Variants in CDH12 observed in about 807,000 individuals in gnomAD.
The protein encoded by CDH12 is cadherin-12.
CDH12 carries 41 observed loss-of-function variants against 74.1 expected under a neutral mutation model. The observed-to-expected ratio is 0.55, with a 90% CI of 0.43 to 0.72. The LOEUF is 0.72. Ranked by LOEUF, CDH12 falls within the 30% of genes least tolerant of loss-of-function variation. The pLI is 0.00. For missense variants in CDH12, 945 were observed against 977.2 expected (o/e 0.97, Z 0.44); for synonymous variants, 399 against 355.0 (o/e 1.12, Z -1.39).
At position 22,672,803 on chromosome 5, in the gene CDH12, A is replaced by G. The variant is rs1194578666; in HGVS notation, c.-522-167439T>C. Among the ~76,000 whole-genome samples, 7 of 152,304 alleles carry G rather than the reference A, an allele frequency of 4.6e-5. No homozygotes were observed. In the South Asian group the frequency reaches 6.2e-4, roughly 14 times the overall value. ...TAAATTGGCAGTGTTTGAATTTTGC[A>G]TATTCCTCTATTCTCTTATTGAAAT... On this transcript the variant is annotated intron_variant, in intron 1 of 14. Transcript: ENST00000382254.
chr5:22,127,838 A>G (rs1745971813), intron 4 of CDH12, among the ~76,000 whole-genome samples: 1 of 151,988 alleles, frequency 6.6e-6, no homozygotes, highest in Non-Finnish European at 1.5e-5. Flanking sequence ...TCTGAATGTG[A>G]TAGGATGGAG....
chr5:22,380,743 T>A (rs1232419241), intron 3 of CDH12, among the ~76,000 whole-genome samples: 3 of 152,166 alleles, frequency 2.0e-5, no homozygotes. Flanking sequence ...GTAATTGTTC[T>A]GTGATTTTGA....
intron 1 of CDH12, among the ~76,000 whole-genome samples, chr5:22,718,259 T>C (rs1324161120): frequency 6.6e-6 from 1 of 152,190 alleles, no homozygotes; most frequent in Non-Finnish European, 1.5e-5. Context: ...TGGCAAACAC[T>C]GGGTTGAAAA....
intron 1 of CDH12, among the ~76,000 whole-genome samples, chr5:22,533,068 G>A (rs1462094652): frequency 6.6e-6 from 1 of 151,958 alleles, no homozygotes; most frequent in Non-Finnish European, 1.5e-5. Flanking sequence ...ATGTTCCCAG[G>A]TATTGCACCC....
intron 1 of CDH12, among the ~76,000 whole-genome samples, chr5:22,537,511 A>G (rs559804549): frequency 1.1e-4 from 16 of 152,264 alleles, no homozygotes; most frequent in African/African-American, 3.4e-4. Flanking sequence ...GCCATAAATC[A>G]CAAATAACAT....
chr5:22,503,144 A>G (rs1736240933), intron 2 of CDH12, among the ~76,000 whole-genome samples: 1 of 152,140 alleles, frequency 6.6e-6, no homozygotes, highest in South Asian at 2.1e-4. Flanking sequence ...AAGAAGAAAG[A>G]TTTATTTCCT....
intron 11 of CDH12, chr5:21,779,203 T>G (rs2149893431): frequency 6.6e-6 from 1 of 152,218 alleles, no homozygotes; most frequent in South Asian, 2.1e-4. Context: ...TATATTTATT[T>G]ATTTATTCAC....
rs1041966471 is a variant in CDH12, at chr5:22,232,108, A to G, written c.-332-19465T>C. On this transcript the variant is annotated intron_variant, in intron 3 of 14. Transcript: ENST00000382254. ...GAAATATGCTGTTTTATCACATTTC[A>G]TATATAAGTTTCTATTAAATAACTA... Among the ~76,000 whole-genome samples the G allele has an allele frequency of 1.5e-3, 233 of 151,930 alleles. 8 individuals carry two copies. Among genetic ancestry groups the G allele is most frequent in the Admixed American group, 0.015 (231 of 15,268 alleles).
intron 1 of CDH12, among the ~76,000 whole-genome samples, chr5:22,716,117 AC>A (rs1449973984): frequency 6.6e-6 from 1 of 152,164 alleles, no homozygotes; most frequent in Non-Finnish European, 1.5e-5. Context: ...AGCCTGGGTG[AC>A]AGAGCAAGAC....
chr5:22,392,947 T>C (rs1244929952), intron 3 of CDH12, among the ~76,000 whole-genome samples: 1 of 152,128 alleles, frequency 6.6e-6, no homozygotes, highest in Non-Finnish European at 1.5e-5. Flanking sequence ...CAGGCTACTC[T>C]CTCGGTCACC....
chr5:22,491,901 G>A (rs926680580), intron 2 of CDH12, among the ~76,000 whole-genome samples: 1 of 152,056 alleles, frequency 6.6e-6, no homozygotes, highest in Non-Finnish European at 1.5e-5. Flanking sequence ...CTGTCTTCAC[G>A]ATGTCTTCTC....
intron 3 of CDH12, among the ~76,000 whole-genome samples, chr5:22,399,269 TCA>T (rs1742607209): frequency 6.6e-6 from 1 of 152,008 alleles, no homozygotes; most frequent in Non-Finnish European, 1.5e-5. Context: ...TTTCAACTCT[TCA>T]CAGTTTTACA....
chr5:22,671,544 C>G (rs1315125327), intron 1 of CDH12, among the ~76,000 whole-genome samples: 1 of 152,222 alleles, frequency 6.6e-6, no homozygotes, highest in South Asian at 2.1e-4. Flanking sequence ...TACTCCCCAA[C>G]ATGAAAATCC....
chr5:21,889,448 G>T, intron 6 of CDH12: 1 of 354,724 alleles, frequency 2.8e-6, no homozygotes, highest in Non-Finnish European at 3.9e-6. Context: ...GTAGTTGCCT[G>T]CACCTGTAAA....
At chr5:22,459,393 T>C (rs973874589) in intron 2 of CDH12, among the ~76,000 whole-genome samples, 1 of 152,174 alleles carries the variant, frequency 6.6e-6, no homozygotes, top group African/African-American at 2.4e-5. Context: ...ATTAAAATTT[T>C]TGTTTAGCTA....
rs537136074 is a variant in CDH12, at chr5:22,140,502, TC to T, written c.-186-61641del. The stretch of plus-strand genomic sequence containing the variant: ...ATCCTGTATATTTGTATGTGTTTTT[TC>T]ACAACTGCCTCTGTGCATGTGTGTG... On this transcript the variant is annotated intron_variant, in intron 4 of 14. Transcript: ENST00000382254. 9.9e-5 allele frequency among the ~76,000 whole-genome samples: 15 copies of T among 152,244 alleles called. No homozygotes were observed. In the South Asian group the frequency reaches 2.9e-3, roughly 29 times the overall value.
chr5:22,008,719 G>A (rs1353946300), intron 5 of CDH12, among the ~76,000 whole-genome samples: 4 of 152,120 alleles, frequency 2.6e-5, no homozygotes, highest in Non-Finnish European at 5.9e-5. Context: ...ACTGGGCTTA[G>A]GGTACATTCC....
At chr5:21,976,769 T>C (rs1488696455) in intron 5 of CDH12, among the ~76,000 whole-genome samples, 1 of 152,046 alleles carries the variant, frequency 6.6e-6, no homozygotes, top group African/African-American at 2.4e-5. Flanking sequence ...AATCTGCATA[T>C]GAGCACTGCT....
intron 4 of CDH12, among the ~76,000 whole-genome samples, chr5:22,190,358 G>GTCTA (rs79679304): frequency 0.044 from 5,316 of 119,830 alleles, 115 homozygotes; most frequent in East Asian, 0.091. Flanking sequence ...CTGTCTGTCT[G>GTCTA]TCTATCTATC....
Sources: allele counts gnomAD v4.1 joint callset (sites outside exome capture counted in the v4.1 genomes callset), GRCh38; gene constraint gnomAD v4.1.1; transcripts MANE v1.5; gene names NCBI Gene and HGNC (gene_info 2026-07-23, HGNC 2026-07-21).